Variants in GSDMC observed in about 807,000 individuals in gnomAD.
GSDMC encodes the protein gasdermin C.
In GSDMC, 59 loss-of-function variants were observed where a neutral mutation model predicts 58.0. The ratio of observed to expected loss-of-function variants is 1.02; its 90% CI spans 0.82 to 1.26. The LOEUF (loss-of-function observed/expected upper bound fraction) is 1.26, where lower values mean the gene tolerates loss of function less well. GSDMC is among the 50% of genes most tolerant of loss of function. The pLI is 0.00. For missense variants in GSDMC, 659 were observed against 598.5 expected (o/e 1.10, Z -1.06); for synonymous variants, 241 against 220.2 (o/e 1.09, Z -0.83).
At chr8:129,709,886 G>A in the GSDMC span, among the ~76,000 whole-genome samples, 1 of 152,154 alleles carries the variant, frequency 6.6e-6, no homozygotes, top group Non-Finnish European at 1.5e-5. Flanking sequence ...GGCAGCGCTA[G>A]TTCTTTCTCA....
At chr8:129,743,578 G>C (rs1053764715), downstream of GSDMC, among the ~76,000 whole-genome samples, 2 of 152,114 alleles carry the variant, frequency 1.3e-5, no homozygotes, top group Non-Finnish European at 2.9e-5. Flanking sequence ...TTAACTAATT[G>C]ATATGTTATA....
the GSDMC span, among the ~76,000 whole-genome samples, chr8:129,741,995 A>T: frequency 1.3e-5 from 2 of 150,458 alleles, no homozygotes; most frequent in African/African-American, 4.9e-5. Flanking sequence ...GTGACAACAC[A>T]GATGAATGTG....
At chr8:129,722,605 A>C in the GSDMC span, among the ~76,000 whole-genome samples, 1 of 152,182 alleles carries the variant, frequency 6.6e-6, no homozygotes, top group South Asian at 2.1e-4. Flanking sequence ...AGAATGCAAT[A>C]CTATGAGGAC....
At chr8:129,766,236 G>A (rs181709500) in intron 3 of GSDMC, among the ~76,000 whole-genome samples, 4 of 152,304 alleles carry the variant, frequency 2.6e-5, no homozygotes, top group Non-Finnish European at 5.9e-5. Context: ...GACAGATAAA[G>A]TGGAATGAAG....
chr8:129,727,293 G>C, the GSDMC span, among the ~76,000 whole-genome samples: 14 of 152,190 alleles, frequency 9.2e-5, no homozygotes. Context: ...TGTGTGCTCA[G>C]CCACTTGGAA....
chr8:129,720,733 A>G, the GSDMC span, among the ~76,000 whole-genome samples: 7 of 152,248 alleles, frequency 4.6e-5, no homozygotes, highest in Admixed American at 4.6e-4. Context: ...ATCTCATTTG[A>G]TGTTTCCAAT....
chr8:129,773,884 A>C (rs1363125650), intron 3 of GSDMC, among the ~76,000 whole-genome samples: 1 of 152,130 alleles, frequency 6.6e-6, no homozygotes, highest in Non-Finnish European at 1.5e-5. Context: ...TATACTGAAA[A>C]ACTACAAAAT....
At chr8:129,769,948 A>G (rs1383870061) in intron 3 of GSDMC, among the ~76,000 whole-genome samples, 2 of 152,242 alleles carry the variant, frequency 1.3e-5, no homozygotes, top group Non-Finnish European at 1.5e-5. Context: ...AAAACACATG[A>G]ATGTGTAAAA....
chr8:129,761,045 A>G (rs28719495), intron 5 of GSDMC, among the ~76,000 whole-genome samples: 1 of 152,218 alleles, frequency 6.6e-6, no homozygotes, highest in Non-Finnish European at 1.5e-5. Context: ...AGGGTTGAAA[A>G]GTGTGAACTG....
At chr8:129,729,995 T>G in the GSDMC span, 6 of 1,480,812 alleles carry the variant, frequency 4.1e-6, no homozygotes, top group Non-Finnish European at 4.7e-6. Flanking sequence ...GCTGTCCGGA[T>G]AGTTCATCTT....
chr8:129,732,704 G>A, the GSDMC span, among the ~76,000 whole-genome samples: 1,197 of 152,332 alleles, frequency 7.9e-3, 5 homozygotes, highest in Admixed American at 0.01. Flanking sequence ...CAAGATGGCC[G>A]AATAGGAACA....
At position 129,765,661 on chromosome 8, in the gene GSDMC, T is replaced by G. The variant is rs773564089; in HGVS notation, c.537A>C (p.Leu179Phe). 6.2e-7 allele frequency: 1 copy of G among 1,613,658 alleles called. No homozygotes were observed. Among genetic ancestry groups the G allele is most frequent in the African/African-American group, 1.3e-5 (1 of 75,012 alleles). ...AGGTAATCCAAAGAGCAATTTTCCC[T>G]AAAATATTCACACTACTGCTATCGT... ...VLYDSSSVNI[L>F]GKIALWITYG... Residue 179 changes from leucine (L) to phenylalanine (F), a missense_variant, in exon 4 of 14, where the codon TTA becomes TTC. Transcript: ENST00000276708.
the GSDMC span, among the ~76,000 whole-genome samples, chr8:129,721,128 G>A: frequency 4.6e-5 from 7 of 152,060 alleles, no homozygotes; most frequent in African/African-American, 1.7e-4. Context: ...TCTTCCAATG[G>A]CCCATTTTTC....
chr8:129,757,693 T>A (rs2033496180), intron 6 of GSDMC, among the ~76,000 whole-genome samples: 1 of 152,118 alleles, frequency 6.6e-6, no homozygotes, highest in South Asian at 2.1e-4. Flanking sequence ...CAATGAAACA[T>A]TAACAAGGTC....
At chr8:129,730,330 T>A in the GSDMC span, 2 of 1,346,988 alleles carry the variant, frequency 1.5e-6, no homozygotes, top group East Asian at 2.5e-5. Flanking sequence ...AGCAAGTCAC[T>A]GCATGATCTT....
chr8:129,751,914 T>C (rs1489644553), intron 8 of GSDMC, 23 bp from the exon 9 acceptor site: 2 of 1,607,740 alleles, frequency 1.2e-6, no homozygotes, highest in South Asian at 1.1e-5. Context: ...ATGAAATTCC[T>C]CACCAAAGAG....
chr8:129,746,136 A>G (rs2032957132), downstream of GSDMC, among the ~76,000 whole-genome samples: 1 of 152,190 alleles, frequency 6.6e-6, no homozygotes, highest in South Asian at 2.1e-4. Flanking sequence ...GGAAAAGAAG[A>G]GAGTGGAGGA....
downstream of GSDMC, among the ~76,000 whole-genome samples, chr8:129,746,104 G>A (rs1215603417): frequency 6.6e-6 from 1 of 152,096 alleles, no homozygotes; most frequent in Non-Finnish European, 1.5e-5. Context: ...AAGTGACAGA[G>A]ATTCCATACA....
At chr8:129,751,630 T>A (rs1289910364) in intron 9 of GSDMC, 62 bp from the exon 10 acceptor site, 1 of 1,499,782 alleles carries the variant, frequency 6.7e-7, no homozygotes, top group Non-Finnish European at 9.3e-7. Flanking sequence ...TTTTCAGATG[T>A]TTTGGAGGGT....
Sources: gnomAD v4.1 joint callset for allele counts (sites outside exome capture counted in the v4.1 genomes callset) on GRCh38, gnomAD v4.1.1 for gene constraint, MANE v1.5 for transcripts, NCBI Gene and HGNC (gene_info 2026-07-23, HGNC 2026-07-21) for gene names.